OR6N2: variants seen among roughly 807,000 people sequenced by gnomAD.
OR6N2 encodes the protein olfactory receptor 6N2.
For synonymous variants in OR6N2, 160 were observed against 138.3 expected (o/e 1.16, Z -1.10); for missense variants, 399 against 379.7 (o/e 1.05, Z -0.42).
At chr1:158,780,034 A>C (rs1462356744) in intron 1 of OR6N2, among the ~76,000 whole-genome samples, 1 of 152,130 alleles carries the variant, frequency 6.6e-6, no homozygotes, top group African/African-American at 2.4e-5. Context: ...TTTAAGTTAC[A>C]TTTTCTCTTT....
Position 158,776,448 on chromosome 1 carries a change from C to A in OR6N2, c.*234G>T. On this transcript the variant is annotated 3_prime_UTR_variant, in exon 2 of 2. Transcript: ENST00000641131. The stretch of plus-strand genomic sequence containing the variant: ...GAAATGTGTGGACCTAGGAAATATA[C>A]ATGCTTTTTTTTAAAAAAAGAAGTA... 5.4e-6 allele frequency: 2 copies of A among 368,710 alleles called. No homozygotes were observed. Among genetic ancestry groups the A allele is most frequent in the Non-Finnish European group, 9.7e-6 (2 of 207,202 alleles). 22.8% of individuals were successfully genotyped at this position (368,710 alleles called of 1,614,324 possible). A position where few individuals can be genotyped will look rare whatever the true frequency, so the allele number is the denominator to read the frequency against.
In OR6N2 at chr1:158,777,083, G is replaced by A. The variant is rs369833807; in HGVS notation, c.553C>T (p.Leu185=). 19 of 1,614,042 alleles carry A rather than the reference G, an allele frequency of 1.2e-5. No individual in the cohort carries two copies. In the African/African-American group the frequency reaches 2.3e-4, roughly 19 times the overall value. ...QHIFCDFPPL[L]SLACKDTSAN... is the part of the protein sequence containing the mutation. ...GATGTGTCCTTGCAGGCCAAGCTCAGCAAAGGTGGAAAGTCACAGAAAATG... is the reference window on the plus strand; with the variant it reads ...GATGTGTCCTTGCAGGCCAAGCTCAACAAAGGTGGAAAGTCACAGAAAATG... Residue 185 remains leucine (L), a synonymous_variant, in exon 2 of 2, where the codon CTG becomes TTG. Coordinates refer to ENST00000641131, the MANE Select transcript of OR6N2 (RefSeq NM_001005278.2).
At chr1:158,779,254 A>G (rs1657689919) in intron 1 of OR6N2, among the ~76,000 whole-genome samples, 1 of 152,130 alleles carries the variant, frequency 6.6e-6, no homozygotes, top group African/African-American at 2.4e-5. Context: ...AATGCATAAA[A>G]TGGCAACCAG....
intron 1 of OR6N2, among the ~76,000 whole-genome samples, chr1:158,779,250 TA>T (rs1221125215): frequency 6.6e-6 from 1 of 152,068 alleles, no homozygotes; most frequent in Admixed American, 6.6e-5. Flanking sequence ...TTTAAATGCA[TA>T]AAATGGCAAC....
At position 158,780,263 on chromosome 1, in the gene OR6N2, A is replaced by T. The variant is rs570044600; in HGVS notation, c.-7+907T>A. 2.5e-3 allele frequency among the ~76,000 whole-genome samples: 379 copies of T among 152,280 alleles called. 1 individual carries two copies. The highest frequency in any genetic ancestry group is 8.7e-3 in the African/African-American group (362 of 41,548). On this transcript the variant is annotated intron_variant, in intron 1 of 1. Coordinates refer to ENST00000641131, the MANE Select transcript of OR6N2 (RefSeq NM_001005278.2). ...GTTGTTGGTAATGTTTCCCCTTTAT[A>T]CAAGTTAGCTTTTCTGAAGCCAACT...
In OR6N2 at chr1:158,776,408, A is replaced by G. The variant is rs973394822; in HGVS notation, c.*274T>C. ...ATTGGAAAAAGGAACAGAGAAATCG[A>G]TCTCTAGCTGGATGGAAATGTGTGG... On this transcript the variant is annotated 3_prime_UTR_variant, in exon 2 of 2. Coordinates refer to ENST00000641131, the MANE Select transcript of OR6N2 (RefSeq NM_001005278.2). 1.8e-5 allele frequency: 5 copies of G among 270,496 alleles called. No homozygotes were observed. The highest frequency in any genetic ancestry group is 3.4e-5 in the Non-Finnish European group (5 of 145,706). The allele number at this position is 270,496 out of a possible 1,614,324, so 16.8% of individuals were successfully genotyped here. A position where few individuals can be genotyped will look rare whatever the true frequency, so the allele number is the denominator to read the frequency against.
In OR6N2 at chr1:158,777,073, G is replaced by A; in HGVS notation, c.563C>T (p.Ala188Val). The A allele has an allele frequency of 6.2e-7, 1 of 1,614,088 alleles. No homozygotes were observed. Among genetic ancestry groups the A allele is most frequent in the Non-Finnish European group, 8.5e-7 (1 of 1,179,980 alleles). The change falls in exon 2 of 2, where the codon GCC becomes GTC. Residue 188 changes from alanine to valine, a missense_variant. Ala to Val is a moderately conservative substitution (Grantham distance 64, BLOSUM62 0). Coordinates refer to ENST00000641131, the MANE Select transcript of OR6N2 (RefSeq NM_001005278.2). Reference sequence around the variant, plus strand: ...AATGTTAGCAGATGTGTCCTTGCAGGCCAAGCTCAGCAAAGGTGGAAAGTC... The same window carrying A: ...AATGTTAGCAGATGTGTCCTTGCAGACCAAGCTCAGCAAAGGTGGAAAGTC... Reference protein sequence around the residue: ...FCDFPPLLSLACKDTSANILV... With the variant: ...FCDFPPLLSLVCKDTSANILV...
At position 158,776,980 on chromosome 1, in the gene OR6N2, G is replaced by A. The variant is rs1332082913; in HGVS notation, c.656C>T (p.Ala219Val). 2 of 1,614,078 alleles carry A rather than the reference G, an allele frequency of 1.2e-6. No individual in the cohort carries two copies. The highest frequency in any genetic ancestry group is 2.2e-5 in the South Asian group (2 of 91,074). ...CTTCAGCACAGCCCCAATGATCCTT[G>A]CATAAGAAATCATGATAAAGAAGAA... ...ITFFFIMISY[A>V]RIIGAVLKIK... The change falls in exon 2 of 2, where the codon GCA (alanine) becomes GTA (valine). Residue 219 changes from alanine to valine, a missense_variant. Physicochemically the swap from Ala to Val is moderately conservative, Grantham distance 64 (BLOSUM62 0). Coordinates refer to ENST00000641131, the MANE Select transcript of OR6N2 (RefSeq NM_001005278.2).
intron 1 of OR6N2, among the ~76,000 whole-genome samples, chr1:158,777,910 C>G (rs1034142430): frequency 8.5e-5 from 13 of 152,096 alleles, no homozygotes; most frequent in African/African-American, 2.9e-4. Context: ...GCCTATTTTG[C>G]AAATAAGAAA....
chr1:158,780,081 A>T (rs1657711843), intron 1 of OR6N2, among the ~76,000 whole-genome samples: 1 of 152,194 alleles, frequency 6.6e-6, no homozygotes, highest in African/African-American at 2.4e-5. Flanking sequence ...TCTTCTTAGC[A>T]ATACAAAGCT....
intron 1 of OR6N2, among the ~76,000 whole-genome samples, chr1:158,779,330 T>C (rs1360723135): frequency 3.3e-5 from 5 of 152,184 alleles, no homozygotes; most frequent in Non-Finnish European, 7.3e-5. Context: ...ATTCTAGTTA[T>C]CATACTGACA....
Position 158,774,570 on chromosome 1 carries a change from T to TA in OR6N2, c.*2111dup, listed in dbSNP as rs1411914743. 2 of 152,210 alleles carry TA rather than the reference T, an allele frequency of 1.3e-5. No individual in the cohort carries two copies. The highest frequency in any genetic ancestry group is 2.9e-5 in the Non-Finnish European group (2 of 68,044). The allele number at this position is 152,210 out of a possible 1,614,324, so 9.4% of individuals were successfully genotyped here. On this transcript the variant is annotated 3_prime_UTR_variant, in exon 2 of 2. Coordinates refer to ENST00000641131, the MANE Select transcript of OR6N2 (RefSeq NM_001005278.2). ...ACAGTTAGACAGCTAATTATAAACA[T>TA]ACATTTATCGTGTGACCTAGCAATC...
chr1:158,777,705 T>C, intron 1 of OR6N2, 64 bp from the exon 2 acceptor site: 2 of 928,478 alleles, frequency 2.2e-6, no homozygotes, highest in Non-Finnish European at 3.3e-6. Context: ...ATGCCAAAAC[T>C]TCATTTCTCT....
intron 1 of OR6N2, among the ~76,000 whole-genome samples, chr1:158,779,024 A>AAAAAAAAAAAAAAAAAAAAAAAAG (rs1558036634): frequency 2.0e-5 from 3 of 151,204 alleles, no homozygotes; most frequent in African/African-American, 7.3e-5. Flanking sequence ...GTCTCAAAAA[A>AAAAAAAAAAAAAAAAAAAAAAAAG]AAAAAAAAGA....
chr1:158,777,238 G>A lies in OR6N2; in HGVS notation c.398C>T (p.Pro133Leu). 1 of 1,614,112 alleles carries A rather than the reference G, an allele frequency of 6.2e-7. No individual in the cohort carries two copies. Among genetic ancestry groups the A allele is most frequent in the Non-Finnish European group, 8.5e-7 (1 of 1,180,036 alleles). Reference sequence around the variant, plus strand: ...ACAGAGTGTGGTGGTCATAATTATAGGGTAGTGGAGGGGCCGACAAATGGC... The same window carrying A: ...ACAGAGTGTGGTGGTCATAATTATAAGGTAGTGGAGGGGCCGACAAATGGC... The part of the protein sequence containing the change: ...YLAICRPLHY[P>L]IIMTTTLCAK... Residue 133 changes from proline (P) to leucine (L), a missense_variant, in exon 2 of 2, where the codon CCT (proline) becomes CTT (leucine). Pro to Leu is a moderately conservative substitution (Grantham distance 98, BLOSUM62 -3). Coordinates refer to ENST00000641131, the MANE Select transcript of OR6N2 (RefSeq NM_001005278.2).
At chr1:158,780,645 T>C (rs187411911) in intron 1 of OR6N2, among the ~76,000 whole-genome samples, 1 of 152,364 alleles carries the variant, frequency 6.6e-6, no homozygotes, top group East Asian at 1.9e-4. Flanking sequence ...AAGCCTATTT[T>C]ATAATAAGGT....
chr1:158,775,024 T>G lies in OR6N2; in HGVS notation c.*1658A>C, dbSNP rs916011915. 6.6e-6 allele frequency: 1 copy of G among 152,242 alleles called. No homozygotes were observed. Among genetic ancestry groups the G allele is most frequent in the Admixed American group, 6.5e-5 (1 of 15,282 alleles). The allele number at this position is 152,242 out of a possible 1,614,324, so 9.4% of individuals were successfully genotyped here. A position where few individuals can be genotyped will look rare whatever the true frequency, so the allele number is the denominator to read the frequency against. ...ATACTCATCCTATTTAGGTGCTGTG[T>G]TAGTTTCTGGACACACAACAAATAA... On this transcript the variant is annotated 3_prime_UTR_variant, in exon 2 of 2. Coordinates refer to ENST00000641131, the MANE Select transcript of OR6N2 (RefSeq NM_001005278.2).
Position 158,774,236 on chromosome 1 carries a change from G to A in OR6N2, c.*2446C>T, listed in dbSNP as rs946035849. On this transcript the variant is annotated 3_prime_UTR_variant, in exon 2 of 2. Coordinates refer to ENST00000641131, the MANE Select transcript of OR6N2 (RefSeq NM_001005278.2). ...CAAAAATAGTAGCAATGTACTGTGT[G>A]TTTATTTTACAAAAATATATGATAA... 2 of 152,188 alleles carry A rather than the reference G, an allele frequency of 1.3e-5. No individual in the cohort carries two copies. The highest frequency in any genetic ancestry group is 1.3e-4 in the Admixed American group (2 of 15,266). The allele number at this position is 152,188 out of a possible 1,614,324, so 9.4% of individuals were successfully genotyped here.
intron 1 of OR6N2, among the ~76,000 whole-genome samples, chr1:158,780,664 T>G (rs539685493): frequency 6.6e-6 from 1 of 152,220 alleles, no homozygotes; most frequent in Non-Finnish European, 1.5e-5. Context: ...GTATTGAATA[T>G]CTCATGTATT....
Sources: allele counts gnomAD v4.1 joint callset (sites outside exome capture counted in the v4.1 genomes callset), GRCh38; gene constraint gnomAD v4.1.1; transcripts MANE v1.5; gene names NCBI Gene and HGNC (gene_info 2026-07-23, HGNC 2026-07-21).